MYO15B: variants seen among roughly 807,000 people sequenced by gnomAD.
The protein encoded by MYO15B is myosin XVB.
MYO15B carries 207 observed loss-of-function variants against 119.3 expected under a neutral mutation model. The ratio of observed to expected loss-of-function variants is 1.73; its 90% CI spans 1.55 to 1.95. The LOEUF (loss-of-function observed/expected upper bound fraction) is 1.95. Among genes scored for constraint, MYO15B ranks in the 30% most tolerant of loss-of-function variants. The probability of loss-of-function intolerance (pLI) is 0.00; values close to 1 mark genes in which losing one functional copy is unlikely to be tolerated. For synonymous variants in MYO15B, 966 were observed against 498.9 expected, an observed-to-expected ratio of 1.94 and a Z score of -12.48; for missense variants, 2,264 against 1,203.1, an observed-to-expected ratio of 1.88 and a Z score of -13.04.
Position 75,589,162 on chromosome 17 carries a change from A to C in MYO15B, c.1105A>C (p.Ser369Arg), listed in dbSNP as rs912282981. 18 of 392,238 alleles carry C rather than the reference A, an allele frequency of 4.6e-5. No homozygotes were observed. Among genetic ancestry groups the C allele is most frequent in the Admixed American group, 1.3e-4 (3 of 22,450 alleles). 24.3% of individuals were successfully genotyped at this position (392,238 alleles called of 1,614,324 possible). A position where few individuals can be genotyped will look rare whatever the true frequency, so the allele number is the denominator to read the frequency against. ...CGCTGGCCTCAAGGAGCGGCTCCTG[A>C]GTGTAGCGCGAGCCCTGGGCCTCCT... The change falls in exon 1 of 64, where the codon AGT (serine) becomes CGT (arginine). Residue 369 changes from serine to arginine, a missense_variant. By Grantham distance (110) the Ser-to-Arg change is moderately radical. Coordinates refer to ENST00000645453, the Ensembl canonical transcript of MYO15B. This position sits in a 1 kb window ranked among gnomAD's most constrained non-coding sequence, Gnocchi z 4.2.
chr17:75,594,441 G>A (rs820255), intron 9 of MYO15B, 34 bp from the exon 10 acceptor site: 157,336 of 587,298 alleles, frequency 0.27, 22,808 homozygotes, highest in Middle Eastern at 0.35. Flanking sequence ...CATTCCTGAA[G>A]CAGAGATCTC....
At chr17:75,604,430 G>A (rs1449838680) in intron 19 of MYO15B, among the ~76,000 whole-genome samples, 1 of 151,448 alleles carries the variant, frequency 6.6e-6, no homozygotes, top group African/African-American at 2.4e-5. Flanking sequence ...ATCTGGACCT[G>A]TGAAATGTCC....
chr17:75,601,583 G>T lies in MYO15B; in HGVS notation c.3651+20G>T. On this transcript the variant is annotated intron_variant, in intron 15 of 63. Coordinates refer to ENST00000645453, the Ensembl canonical transcript of MYO15B. ...TACCAGGTACCTGGCCTCAGGGACA[G>T]ACCAGGGTGAATCAGCGAGGGCAGT... 1.4e-6 allele frequency: 1 copy of T among 701,606 alleles called. No individual in the cohort carries two copies. Among genetic ancestry groups the T allele is most frequent in the South Asian group, 1.5e-5 (1 of 67,540 alleles). The allele number at this position is 701,606 out of a possible 1,614,324, so 43.5% of individuals were successfully genotyped here. A position where few individuals can be genotyped will look rare whatever the true frequency, so the allele number is the denominator to read the frequency against.
At chr17:75,598,266 C>CAAAAAA (rs67823231) in intron 14 of MYO15B, among the ~76,000 whole-genome samples, 1 of 140,208 alleles carries the variant, frequency 7.1e-6, no homozygotes, top group African/African-American at 2.6e-5. Context: ...GACTCCGTCT[C>CAAAAAA]AAAAAAAAGA....
chr17:75,616,236 C>T (rs933222909), intron 37 of MYO15B, 76 bp from the exon 38 acceptor site: 20 of 589,380 alleles, frequency 3.4e-5, no homozygotes, highest in Admixed American at 6.3e-5. Context: ...CTCTGCTCCC[C>T]GGAGTTGGTG....
intron 28 of MYO15B, 28 bp from the exon 29 acceptor site, chr17:75,613,677 C>G: frequency 1.4e-6 from 1 of 700,428 alleles, no homozygotes; most frequent in East Asian, 2.7e-5. Context: ...GTCCCTCACT[C>G]TTGCCCCCGC....
chr17:75,623,682 C>G, intron 53 of MYO15B, 99 bp from the exon 54 acceptor site: 1 of 665,642 alleles, frequency 1.5e-6, no homozygotes, highest in Non-Finnish European at 2.7e-6. Context: ...ACATCTTGAG[C>G]CAGCCCCAGC....
chr17:75,621,682 CG>C, intron 52 of MYO15B, 112 bp downstream of exon 52: 2 of 629,322 alleles, frequency 3.2e-6, no homozygotes, highest in Admixed American at 2.4e-5. Flanking sequence ...CTGCCAACTC[CG>C]GGAAGCTCAC....
Position 75,602,946 on chromosome 17 carries a change from G to T in MYO15B, c.3845+1G>T. The T allele has an allele frequency of 1.4e-6, 1 of 692,908 alleles. No homozygotes were observed. Among genetic ancestry groups the T allele is most frequent in the Non-Finnish European group, 2.6e-6 (1 of 379,426 alleles). The allele number at this position is 692,908 out of a possible 1,614,324, so 42.9% of individuals were successfully genotyped here. A position where few individuals can be genotyped will look rare whatever the true frequency, so the allele number is the denominator to read the frequency against. On this transcript the variant is annotated splice_donor_variant, in intron 17 of 63. Transcript: ENST00000645453. LOFTEE classifies it high-confidence loss of function. ...AGGACCTCATAGCCCGGCTGGGCAG[G>T]TAAGAACAGCGCCCGCCACACCAGA... is the stretch of plus-strand genomic sequence containing the variant.
exon 1 of MYO15B, chr17:75,590,130 G>A: frequency 2.5e-6 from 1 of 399,050 alleles, no homozygotes; most frequent in Non-Finnish European, 4.4e-6. Context: ...CGGTGCTGGA[G>A]AGGGACCTGG....
chr17:75,617,692 G>T (rs2058461538), intron 41 of MYO15B, 118 bp from the exon 42 acceptor site: 1 of 604,626 alleles, frequency 1.7e-6, no homozygotes, highest in Admixed American at 2.8e-5. Context: ...GGCAGCTGGA[G>T]GTTGGGAGAG....
intron 14 of MYO15B, among the ~76,000 whole-genome samples, chr17:75,599,522 T>C (rs923841968): frequency 6.6e-6 from 1 of 151,762 alleles, no homozygotes; most frequent in African/African-American, 2.4e-5. Context: ...CCTGATCTTG[T>C]GAGCCACCCA....
At chr17:75,626,827 G>A (rs552364378) in exon 64 of MYO15B, 1 of 445,036 alleles carries the variant, frequency 2.2e-6, no homozygotes, top group Admixed American at 3.8e-5. Flanking sequence ...AGCTGCTGAG[G>A]AAATAAAACT....
chr17:75,616,540 T>TC lies in MYO15B; in HGVS notation c.6267dup (p.Ile2090HisfsTer18). 2.8e-6 allele frequency: 2 copies of TC among 702,098 alleles called. No homozygotes were observed. The highest frequency in any genetic ancestry group is 1.5e-5 in the South Asian group (1 of 67,556). 43.5% of individuals were successfully genotyped at this position (702,098 alleles called of 1,614,324 possible). On this transcript the variant is annotated frameshift_variant, in exon 39 of 64. Transcript: ENST00000645453. LOFTEE classifies it high-confidence loss of function. ...CCTGGTCAGTGCCGTCCCCTCCTCC[T>TC]CCCCCCATCGTGAAGAAGCCATTGA...
exon 19 of MYO15B, chr17:75,603,191 C>T (rs1430307218): frequency 1.4e-6 from 1 of 703,142 alleles, no homozygotes; most frequent in Non-Finnish European, 2.6e-6. Context: ...GCCACAGCTT[C>T]CAGGCCTCTT....
Position 75,617,064 on chromosome 17 carries a change from A to G in MYO15B, c.6595-21A>G, listed in dbSNP as rs994808900. ...CCTTGTGCTGTGACTCAGCCCGTGT[A>G]CTTTCTCCGTATCCCCCCAGATGCT... is the stretch of plus-strand genomic sequence containing the variant. On this transcript the variant is annotated intron_variant, in intron 40 of 63. Transcript: ENST00000645453. 8.7e-6 allele frequency: 6 copies of G among 686,136 alleles called. No homozygotes were observed. The Admixed American group carries it at 1.0e-4, about 12-fold the overall frequency. 42.5% of individuals were successfully genotyped at this position (686,136 alleles called of 1,614,324 possible).
intron 21 of MYO15B, chr17:75,607,082 G>A (rs1466525777): frequency 5.0e-5 from 20 of 397,156 alleles, no homozygotes; most frequent in Non-Finnish European, 7.5e-5. Context: ...AGCAGCCAGT[G>A]ATCTTCCCAG....
chr17:75,605,835 C>T lies in MYO15B; in HGVS notation c.4135-29C>T, dbSNP rs1008983282. 3.3e-5 allele frequency: 22 copies of T among 661,948 alleles called. No individual in the cohort carries two copies. In the Middle Eastern group the frequency reaches 7.7e-4, roughly 23 times the overall value. The allele number at this position is 661,948 out of a possible 1,614,324, so 41.0% of individuals were successfully genotyped here. A position where few individuals can be genotyped will look rare whatever the true frequency, so the allele number is the denominator to read the frequency against. On this transcript the variant is annotated intron_variant, in intron 20 of 63. Transcript: ENST00000645453. Reference sequence around the variant, plus strand: ...AGCAGGAGGGGCTGGCTCCTGGCTCCTGCCTACAGCCCACCCCTCTACCCA... The same window carrying T: ...AGCAGGAGGGGCTGGCTCCTGGCTCTTGCCTACAGCCCACCCCTCTACCCA...
At chr17:75,610,680 C>G in intron 22 of MYO15B, 1 of 576,198 alleles carries the variant, frequency 1.7e-6, no homozygotes, top group South Asian at 2.2e-5. Context: ...TCTTCCTGCC[C>G]TCTTCCCGGT....
Sources: allele counts gnomAD v4.1 joint callset (sites outside exome capture counted in the v4.1 genomes callset), GRCh38; gene constraint gnomAD v4.1.1; non-coding constraint Gnocchi (gnomAD v3.1); transcripts MANE v1.5; gene names NCBI Gene and HGNC (gene_info 2026-07-23, HGNC 2026-07-21).